The following SMAD2 variants were observed in gnomAD, a reference collection of about 807,000 sequenced individuals.
SMAD2 encodes MAD homolog 2.
SMAD2 carries 8 observed loss-of-function variants against 64.4 expected under a neutral mutation model. The ratio of observed to expected loss-of-function variants is 0.12; its 90% CI spans 0.07 to 0.22. SMAD2 has a LOEUF of 0.22. Ranked by LOEUF, SMAD2 falls within the 10% of genes least tolerant of loss-of-function variation. SMAD2 has a pLI of 1.00. For synonymous variants in SMAD2, 203 were observed against 195.8 expected (o/e 1.04, Z -0.31); for missense variants, 289 against 561.2 (o/e 0.51, Z 4.90).
In SMAD2 at chr18:47,835,850, T is replaced by C. The variant is rs537359696; in HGVS notation, c.*5977A>G. 1.9e-4 allele frequency: 38 copies of C among 200,738 alleles called. 1 individual carries two copies. In the South Asian group the frequency reaches 7.2e-3, roughly 38 times the overall value. 12.4% of individuals were successfully genotyped at this position (200,738 alleles called of 1,614,324 possible). ...AAAAATAAGTAAATCAAAGAGCATA[T>C]TTGGAGAAACTAAGAGCTGTTAACT... is the stretch of plus-strand genomic sequence containing the variant. On this transcript the variant is annotated 3_prime_UTR_variant, in exon 11 of 11. Transcript: ENST00000262160.
chr18:47,845,935 A>C, intron 8 of SMAD2, 135 bp from the exon 9 acceptor site: 1 of 766,568 alleles, frequency 1.3e-6, no homozygotes. Context: ...TGTCTTTCTG[A>C]AGTCTAACTT....
rs1912606904 is a variant in SMAD2, at chr18:47,822,473, T to C, written c.*19354A>G. 2 of 152,358 alleles carry C rather than the reference T, an allele frequency of 1.3e-5. No homozygotes were observed. Among genetic ancestry groups the C allele is most frequent in the African/African-American group, 4.8e-5 (2 of 41,592 alleles). The allele number at this position is 152,358 out of a possible 1,614,324, so 9.4% of individuals were successfully genotyped here. A position where few individuals can be genotyped will look rare whatever the true frequency, so the allele number is the denominator to read the frequency against. On this transcript the variant is annotated 3_prime_UTR_variant, in exon 11 of 11. Transcript: ENST00000262160. ...ATCAACCACAACAAAAAAAGTTACA[T>C]GAGACTAAGTAACTGAAGATGTGTC...
intron 1 of SMAD2, among the ~76,000 whole-genome samples, chr18:47,911,939 C>T (rs2034153102): frequency 6.6e-6 from 1 of 152,224 alleles, no homozygotes; most frequent in South Asian, 2.1e-4. Context: ...TGGATTCCTA[C>T]TCTGTGCCAC....
Position 47,834,190 on chromosome 18 carries a change from T to C in SMAD2, c.*7637A>G. The C allele has an allele frequency of 4.7e-6, 1 of 212,396 alleles. No individual in the cohort carries two copies. Among genetic ancestry groups the C allele is most frequent in the African/African-American group, 2.3e-5 (1 of 44,192 alleles). The allele number at this position is 212,396 out of a possible 1,614,324, so 13.2% of individuals were successfully genotyped here. A position where few individuals can be genotyped will look rare whatever the true frequency, so the allele number is the denominator to read the frequency against. ...AAGCAACTATGACAACATAGGGAAG[T>C]AAGGATAAATCACAAGAACACCTAA... On this transcript the variant is annotated 3_prime_UTR_variant, in exon 11 of 11. Transcript: ENST00000262160.
At chr18:47,857,823 T>C (rs2030846625) in intron 6 of SMAD2, among the ~76,000 whole-genome samples, 1 of 152,232 alleles carries the variant, frequency 6.6e-6, no homozygotes, top group Admixed American at 6.5e-5. Context: ...TTTTAATACA[T>C]GTCTTTAGCT....
chr18:47,870,153 T>C (rs746821157), intron 3 of SMAD2, among the ~76,000 whole-genome samples: 17 of 152,164 alleles, frequency 1.1e-4, no homozygotes, highest in Non-Finnish European at 1.9e-4. Context: ...AAACTCATCA[T>C]GTATCTACTT....
At chr18:47,846,793 G>A (rs567561824) in intron 8 of SMAD2, among the ~76,000 whole-genome samples, 1 of 152,242 alleles carries the variant, frequency 6.6e-6, no homozygotes, top group East Asian at 1.9e-4. Flanking sequence ...CCTAACCCAT[G>A]TCTGGACTCC....
At chr18:47,897,739 T>C (rs1003293323) in intron 1 of SMAD2, among the ~76,000 whole-genome samples, 4 of 152,224 alleles carry the variant, frequency 2.6e-5, no homozygotes, top group African/African-American at 9.6e-5. Flanking sequence ...CCACTACTGA[T>C]ACTGGTAAGT....
intron 1 of SMAD2, among the ~76,000 whole-genome samples, chr18:47,899,842 C>G (rs1183568085): frequency 6.6e-6 from 1 of 152,104 alleles, no homozygotes; most frequent in African/African-American, 2.4e-5. Flanking sequence ...GCATGTCACC[C>G]TACTACTAAA....
chr18:47,899,133 T>C (rs370752058), intron 1 of SMAD2, among the ~76,000 whole-genome samples: 2 of 151,580 alleles, frequency 1.3e-5, no homozygotes, highest in Admixed American at 6.6e-5. Flanking sequence ...AGGAACAGAG[T>C]TGATTAAGAA....
chr18:47,888,684 T>C (rs573781379), intron 2 of SMAD2, among the ~76,000 whole-genome samples: 5 of 152,208 alleles, frequency 3.3e-5, no homozygotes, highest in Non-Finnish European at 7.3e-5. Context: ...TCTCTCTATC[T>C]ACCTGGTAAA....
intron 2 of SMAD2, among the ~76,000 whole-genome samples, chr18:47,871,910 G>T (rs2031956115): frequency 6.6e-6 from 1 of 152,026 alleles, no homozygotes; most frequent in Non-Finnish European, 1.5e-5. Context: ...TGGTATACAG[G>T]AGACTATTCT....
At chr18:47,865,435 A>G (rs1330366947) in intron 5 of SMAD2, among the ~76,000 whole-genome samples, 1 of 152,228 alleles carries the variant, frequency 6.6e-6, no homozygotes, top group East Asian at 1.9e-4. Flanking sequence ...AACTTTAAAA[A>G]TGCCTCAGAT....
In SMAD2 at chr18:47,834,738, A is replaced by T. The variant is rs1598731283; in HGVS notation, c.*7089T>A. 4.5e-6 allele frequency: 1 copy of T among 221,276 alleles called. No homozygotes were observed. The highest frequency in any genetic ancestry group is 6.6e-5 in the East Asian group (1 of 15,216). 13.7% of individuals were successfully genotyped at this position (221,276 alleles called of 1,614,324 possible). On this transcript the variant is annotated 3_prime_UTR_variant, in exon 11 of 11. Coordinates refer to ENST00000262160, the MANE Select transcript of SMAD2 (RefSeq NM_005901.6). ...CACTCTTGAAATCTGTTTTCAGACA[A>T]ATCTTCTAAAGGTTCTTCTAGCTTT...
intron 2 of SMAD2, among the ~76,000 whole-genome samples, chr18:47,890,296 C>T (rs1384202061): frequency 6.6e-6 from 1 of 152,180 alleles, no homozygotes; most frequent in Admixed American, 6.5e-5. Flanking sequence ...CCTCAAAGTT[C>T]TAATTCATAT....
chr18:47,899,587 G>T (rs1322387564), intron 1 of SMAD2, among the ~76,000 whole-genome samples: 1 of 152,108 alleles, frequency 6.6e-6, no homozygotes, highest in Non-Finnish European at 1.5e-5. Context: ...GTACTTAATT[G>T]TGTCAATGCA....
chr18:47,846,161 C>G (rs1337215069), intron 8 of SMAD2, among the ~76,000 whole-genome samples: 1 of 152,034 alleles, frequency 6.6e-6, no homozygotes, highest in Non-Finnish European at 1.5e-5. Context: ...TTCATTACAA[C>G]TGTAGTTTCT....
intron 7 of SMAD2, among the ~76,000 whole-genome samples, 165 bp from the exon 8 acceptor site, chr18:47,848,852 C>G (rs766193239): frequency 6.6e-6 from 1 of 152,108 alleles, no homozygotes; most frequent in African/African-American, 2.4e-5. Context: ...CAGATGATAC[C>G]AGATTTTCAG....
intron 1 of SMAD2, among the ~76,000 whole-genome samples, chr18:47,916,099 A>G (rs2034324624): frequency 1.3e-5 from 2 of 152,220 alleles, no homozygotes; most frequent in South Asian, 4.1e-4. Flanking sequence ...AATCATCCCT[A>G]CATTCCTGAG....
Sources: allele counts gnomAD v4.1 joint callset (sites outside exome capture counted in the v4.1 genomes callset), GRCh38; gene constraint gnomAD v4.1.1; transcripts MANE v1.5; gene names NCBI Gene and HGNC (gene_info 2026-07-23, HGNC 2026-07-21).